MPRIP: variants seen among roughly 807,000 people sequenced by gnomAD.
MPRIP encodes myosin phosphatase Rho interacting protein.
MPRIP carries 59 observed loss-of-function variants against 234.9 expected under a neutral mutation model. The ratio of observed to expected loss-of-function variants is 0.25; its 90% CI spans 0.20 to 0.31. MPRIP has a LOEUF of 0.31. Ranked by LOEUF, MPRIP falls within the 10% of genes least tolerant of loss-of-function variation. The pLI is 1.00. For synonymous variants in MPRIP, 1,144 were observed against 1,263.9 expected (o/e 0.91, Z 2.01); for missense variants, 2,436 against 3,071.0 (o/e 0.79, Z 4.89).
chr17:17,063,221 G>A (rs1224123861), intron 1 of MPRIP, among the ~76,000 whole-genome samples: 2 of 152,228 alleles, frequency 1.3e-5, no homozygotes, highest in African/African-American at 4.8e-5. Context: ...TTAGGGAGCA[G>A]TTACCTTTTC....
chr17:17,100,125 G>T (rs1020362844), intron 3 of MPRIP, among the ~76,000 whole-genome samples: 20 of 152,170 alleles, frequency 1.3e-4, no homozygotes, highest in African/African-American at 4.8e-4. Context: ...TGGACGGCGG[G>T]TTGAATAGAA....
chr17:17,152,887 G>A (rs1327372986), intron 12 of MPRIP, among the ~76,000 whole-genome samples: 1 of 152,246 alleles, frequency 6.6e-6, no homozygotes, highest in Non-Finnish European at 1.5e-5. Flanking sequence ...CGCCCACTGA[G>A]AAGCCAGCAG....
chr17:17,155,447 T>A (rs1459130189), intron 13 of MPRIP, among the ~76,000 whole-genome samples: 2 of 152,212 alleles, frequency 1.3e-5, no homozygotes, highest in Admixed American at 6.5e-5. Context: ...TTTCACCTTG[T>A]TGGCCAGGCT....
In MPRIP at chr17:17,165,334, C is replaced by G. The variant is rs1049331784; in HGVS notation, c.3743C>G (p.Pro1248Arg). ...GATGGCACTTTGCTCCCAGGCCAAC[C>G]AGTCCAAGCCACTAGGGCACCTCTA... is the stretch of plus-strand genomic sequence containing the variant. The part of the protein sequence containing the change: ...ERDGTLLPGQ[P>R]VQATRAPLGL... Residue 1248 changes from proline to arginine, a missense_variant, in exon 16 of 24, where the codon CCA (proline) becomes CGA (arginine). Coordinates refer to ENST00000651222, the MANE Select transcript of MPRIP (RefSeq NM_001364716.4). 131 of 1,303,938 alleles carry G rather than the reference C, an allele frequency of 1.0e-4. No individual in the cohort carries two copies. Among genetic ancestry groups the G allele is most frequent in the Non-Finnish European group, 1.3e-4 (130 of 988,960 alleles). 80.8% of individuals were successfully genotyped at this position (1,303,938 alleles called of 1,614,324 possible). A position where few individuals can be genotyped will look rare whatever the true frequency, so the allele number is the denominator to read the frequency against.
At chr17:17,152,054 AGTGT>A (rs2045614377) in intron 12 of MPRIP, among the ~76,000 whole-genome samples, 1 of 152,268 alleles carries the variant, frequency 6.6e-6, no homozygotes, top group Non-Finnish European at 1.5e-5. Context: ...CCCAAAGGCC[AGTGT>A]GTTCATTTAC....
intron 4 of MPRIP, among the ~76,000 whole-genome samples, chr17:17,129,770 G>A (rs1260880835): frequency 6.6e-6 from 1 of 152,242 alleles, no homozygotes; most frequent in Admixed American, 6.5e-5. Flanking sequence ...TGGGGTACCT[G>A]GCAGGGTTCT....
intron 3 of MPRIP, among the ~76,000 whole-genome samples, chr17:17,096,047 T>A (rs2089831441): frequency 6.6e-6 from 1 of 152,182 alleles, no homozygotes. Context: ...AGCAGGCAAT[T>A]GAACATTCTG....
At chr17:17,148,198 G>C (rs2045521075) in intron 11 of MPRIP, among the ~76,000 whole-genome samples, 1 of 152,204 alleles carries the variant, frequency 6.6e-6, no homozygotes, top group Non-Finnish European at 1.5e-5. Flanking sequence ...TGGGCGGTGG[G>C]CCTCTGGTGG....
At chr17:17,096,271 GGTGT>G (rs1017386533) in intron 3 of MPRIP, among the ~76,000 whole-genome samples, 7 of 147,816 alleles carry the variant, frequency 4.7e-5, no homozygotes, top group Non-Finnish European at 1.0e-4. Flanking sequence ...TGCTTGGCAG[GGTGT>G]GTGTGTGTGC....
chr17:17,060,622 G>A (rs1001039871), intron 1 of MPRIP, among the ~76,000 whole-genome samples: 2 of 152,200 alleles, frequency 1.3e-5, no homozygotes, highest in African/African-American at 2.4e-5. Context: ...GGGGAGGAGT[G>A]CAGACCTGCC....
In MPRIP at chr17:17,166,339, T is replaced by C; in HGVS notation, c.4748T>C (p.Leu1583Pro). The change falls in exon 16 of 24, where the codon CTG becomes CCG. Residue 1583 changes from leucine (L) to proline (P), a missense_variant. Leu to Pro is a moderately conservative substitution (Grantham distance 98). Around this residue, in one of 4 missense-constraint regions of MPRIP, gnomAD observed 1,998 missense variants for 2,520.3 expected, o/e 0.79. Transcript: ENST00000651222. This position sits in a 1 kb window ranked among gnomAD's most constrained non-coding sequence, Gnocchi z 4.4. The stretch of plus-strand genomic sequence containing the variant: ...CTGATCAGCCAGATAGCAGATTCCC[T>C]GAAGAACACAACATCAGATGTCTCC... ...ASLISQIADS[L>P]KNTTSDVSRM... The C allele has an allele frequency of 7.7e-7, 1 of 1,304,628 alleles. No homozygotes were observed. Among genetic ancestry groups the C allele is most frequent in the African/African-American group, 1.5e-5 (1 of 66,016 alleles). The allele number at this position is 1,304,628 out of a possible 1,614,324, so 80.8% of individuals were successfully genotyped here.
intron 12 of MPRIP, among the ~76,000 whole-genome samples, chr17:17,152,181 A>G (rs2045617262): frequency 6.6e-6 from 1 of 152,266 alleles, no homozygotes; most frequent in African/African-American, 2.4e-5. Flanking sequence ...GCCTGGCACC[A>G]GGGCCGGGTG....
chr17:17,104,590 CCT>C (rs1443713991), intron 3 of MPRIP, among the ~76,000 whole-genome samples: 1 of 152,138 alleles, frequency 6.6e-6, no homozygotes, highest in African/African-American at 2.4e-5. Context: ...TCCTTTTGTC[CCT>C]GTCACCTTCC....
chr17:17,128,393 T>C (rs976730166), intron 4 of MPRIP, among the ~76,000 whole-genome samples: 6 of 152,074 alleles, frequency 3.9e-5, no homozygotes, highest in Admixed American at 2.0e-4. Context: ...GAGAGGGTGA[T>C]GTTTAGCATT....
chr17:17,057,852 A>T (rs2088752368), intron 1 of MPRIP: 4 of 596,760 alleles, frequency 6.7e-6, no homozygotes, highest in Non-Finnish European at 1.2e-5. Context: ...ACTTGCAGTA[A>T]TATTTTTTAA....
In MPRIP at chr17:17,092,790, A is replaced by G. The variant is rs192161027; in HGVS notation, c.267+14714A>G. On this transcript the variant is annotated intron_variant, in intron 3 of 23. Coordinates refer to ENST00000651222, the MANE Select transcript of MPRIP (RefSeq NM_001364716.4). ...AGACTCTGCAGGGAAACACAGGTGT[A>G]GGTAATGTCAAAGGACATCCAACTT... is the stretch of plus-strand genomic sequence containing the variant. Among the ~76,000 whole-genome samples the G allele has an allele frequency of 1.6e-3, 250 of 152,278 alleles. 4 individuals are homozygous for G. Among genetic ancestry groups the G allele is most frequent in the South Asian group, 0.014 (69 of 4,818 alleles).
intron 3 of MPRIP, among the ~76,000 whole-genome samples, chr17:17,083,264 A>G (rs2089507598): frequency 6.6e-6 from 1 of 152,218 alleles, no homozygotes; most frequent in Non-Finnish European, 1.5e-5. Flanking sequence ...CAGTCCCGTA[A>G]GATGTGAAGT....
At chr17:17,046,066 A>G (rs998516770) in intron 1 of MPRIP, among the ~76,000 whole-genome samples, 3 of 152,316 alleles carry the variant, frequency 2.0e-5, no homozygotes, top group Non-Finnish European at 2.9e-5. Flanking sequence ...CGGCCTCCCA[A>G]AGTGCCGGGA....
At chr17:17,119,844 TACTG>T (rs954778900) in intron 3 of MPRIP, among the ~76,000 whole-genome samples, 2 of 152,158 alleles carry the variant, frequency 1.3e-5, no homozygotes, top group Admixed American at 1.3e-4. Flanking sequence ...ATGGTAGAAA[TACTG>T]ACTCACCGTT....
Sources: gnomAD v4.1 joint callset for allele counts (sites outside exome capture counted in the v4.1 genomes callset) on GRCh38, gnomAD v4.1.1 for gene constraint, gnomAD v4.1.1 regional missense constraint, Gnocchi (gnomAD v3.1) non-coding constraint, MANE v1.5 for transcripts, NCBI Gene and HGNC (gene_info 2026-07-23, HGNC 2026-07-21) for gene names.